NCAPD3: variants seen among roughly 807,000 people sequenced by gnomAD.
NCAPD3 encodes non-SMC condensin II complex subunit D3.
NCAPD3 carries 105 observed loss-of-function variants against 182.9 expected under a neutral mutation model. The ratio of observed to expected loss-of-function variants is 0.57; its 90% CI spans 0.49 to 0.68. The LOEUF (loss-of-function observed/expected upper bound fraction) is 0.68. Among genes scored for constraint, NCAPD3 ranks in the 30% least tolerant of loss-of-function variants. NCAPD3 has a pLI of 0.00. For missense variants in NCAPD3, 1,944 were observed against 1,837.0 expected (o/e 1.06, Z -1.07); for synonymous variants, 815 against 679.9 (o/e 1.20, Z -3.09).
chr11:134,198,023 T>C (rs1458182266), intron 13 of NCAPD3, among the ~76,000 whole-genome samples: 1 of 152,076 alleles, frequency 6.6e-6, no homozygotes, highest in African/African-American at 2.4e-5. Context: ...CCACAGACTG[T>C]AAACCAAAAA....
At chr11:134,198,368 T>C (rs1341044166) in intron 13 of NCAPD3, among the ~76,000 whole-genome samples, 12 of 126,764 alleles carry the variant, frequency 9.5e-5, no homozygotes, top group Non-Finnish European at 1.6e-5. Context: ...AAAATCTACC[T>C]ATAAGCTGGA....
At chr11:134,196,902 C>T (rs1353314030) in intron 13 of NCAPD3, among the ~76,000 whole-genome samples, 2 of 152,112 alleles carry the variant, frequency 1.3e-5, no homozygotes, top group East Asian at 3.9e-4. Context: ...AAGAAAACAA[C>T]GGATATAGTT....
In NCAPD3 at chr11:134,151,177, T is replaced by C. The variant is rs577596179; in HGVS notation, c.*1767A>G. 1 of 152,384 alleles carries C rather than the reference T, an allele frequency of 6.6e-6. No homozygotes were observed. Among genetic ancestry groups the C allele is most frequent in the African/African-American group, 2.4e-5 (1 of 41,584 alleles). The allele number at this position is 152,384 out of a possible 1,614,324, so 9.4% of individuals were successfully genotyped here. Reference sequence around the variant, plus strand: ...TCAGCTTCCAGTGTCTTGGGTTTTTTATACTTTGACAGCTTTTTTTTAATT... The same window carrying C: ...TCAGCTTCCAGTGTCTTGGGTTTTTCATACTTTGACAGCTTTTTTTTAATT... On this transcript the variant is annotated 3_prime_UTR_variant, in exon 35 of 35. Transcript: ENST00000534548.
At chr11:134,174,498 T>TAC (rs1206183050) in intron 24 of NCAPD3, among the ~76,000 whole-genome samples, 110 of 148,840 alleles carry the variant, frequency 7.4e-4, no homozygotes, top group African/African-American at 2.4e-3. Flanking sequence ...CATATATATA[T>TAC]ACATATATAT....
chr11:134,214,077 T>C (rs1448739793), intron 3 of NCAPD3, among the ~76,000 whole-genome samples: 2 of 151,748 alleles, frequency 1.3e-5, no homozygotes, highest in East Asian at 3.9e-4. Flanking sequence ...TTGACCTAAC[T>C]GACATTTACA....
chr11:134,160,101 C>T, intron 28 of NCAPD3, 27 bp from the exon 29 acceptor site: 3 of 1,607,660 alleles, frequency 1.9e-6, no homozygotes, highest in Non-Finnish European at 2.6e-6. Context: ...AGCATCCTTT[C>T]ATGTTTTCTT....
At chr11:134,165,998 A>G (rs1440149901) in intron 27 of NCAPD3, among the ~76,000 whole-genome samples, 1 of 99,936 alleles carries the variant, frequency 1.0e-5, no homozygotes, top group Admixed American at 1.2e-4. Flanking sequence ...TAGGGAGAGC[A>G]GCACACTCAC....
At position 134,158,382 on chromosome 11, in the gene NCAPD3, T is replaced by C. The variant is rs768462334; in HGVS notation, c.3981A>G (p.Val1327=). 3 of 1,614,208 alleles carry C rather than the reference T, an allele frequency of 1.9e-6. No homozygotes were observed. The highest frequency in any genetic ancestry group is 2.2e-5 in the South Asian group (2 of 91,088). The change falls in exon 30 of 35, where the codon GTA becomes GTG. Residue 1327 remains valine, a synonymous_variant. Coordinates refer to ENST00000534548, the MANE Select transcript of NCAPD3 (RefSeq NM_015261.3). ...GCCCTGTTTCAGGTGTAGGAGATGA[T>C]ACTGCTACATGGCCAGCACTTGCCC... ...TPRASAGHVA[V]SSPTPETGPL... is the part of the protein sequence containing the mutation.
chr11:134,153,484 C>A (rs117599215), intron 32 of NCAPD3, 121 bp from the exon 33 acceptor site: 12,202 of 967,624 alleles, frequency 0.013, 116 homozygotes, highest in Non-Finnish European at 0.017. Flanking sequence ...GGCCCTCAGA[C>A]CTCCACTGGA....
chr11:134,168,431 C>T (rs1376349737), intron 26 of NCAPD3, 38 bp downstream of exon 26: 1 of 1,611,052 alleles, frequency 6.2e-7, no homozygotes, highest in Non-Finnish European at 8.5e-7. Context: ...ATTTCATTTG[C>T]AAACACACAC....
intron 17 of NCAPD3, 77 bp from the exon 18 acceptor site, chr11:134,185,077 T>A: frequency 1.7e-6 from 2 of 1,190,938 alleles, no homozygotes; most frequent in Non-Finnish European, 2.5e-6. Context: ...TCTTCTGGAT[T>A]AATAACACTG....
Position 134,154,818 on chromosome 11 carries a change from C to T in NCAPD3, c.4253-1455G>A, listed in dbSNP as rs1401341590. Among the ~76,000 whole-genome samples, 4 of 152,236 alleles carry T rather than the reference C, an allele frequency of 2.6e-5. No individual in the cohort carries two copies. In the East Asian group the frequency reaches 7.7e-4, roughly 29 times the overall value. On this transcript the variant is annotated intron_variant, in intron 32 of 34. Transcript: ENST00000534548. Reference sequence around the variant, plus strand: ...GGACTGTGTCTTCCCATTTACAGTTCAAAGCTCATCAGCGCACTGCAGCTG... The same window carrying T: ...GGACTGTGTCTTCCCATTTACAGTTTAAAGCTCATCAGCGCACTGCAGCTG...
Position 134,158,064 on chromosome 11 carries a change from G to A in NCAPD3, c.4038C>T (p.Pro1346=), listed in dbSNP as rs764919212. 3.7e-6 allele frequency: 6 copies of A among 1,613,504 alleles called. No homozygotes were observed. Among genetic ancestry groups the A allele is most frequent in the South Asian group, 1.1e-5 (1 of 91,032 alleles). The change falls in exon 31 of 35, where the codon CCC becomes CCT. Residue 1346 remains proline, a synonymous_variant. Coordinates refer to ENST00000534548, the MANE Select transcript of NCAPD3 (RefSeq NM_015261.3). ...GGATTGCAATGGTGCTCAGGGACAT[G>A]GGCCTGTGGAGAACAGCCACAGCCG... ...PLQRLLPKAR[P]MSLSTIAILN... is the part of the protein sequence containing the mutation.
At chr11:134,153,785 G>C (rs1398640411) in intron 32 of NCAPD3, 2 of 229,162 alleles carry the variant, frequency 8.7e-6, no homozygotes, top group East Asian at 1.1e-4. Flanking sequence ...CCAGTGACTG[G>C]AGCATGCGCG....
At chr11:134,173,907 G>A (rs1944089401) in intron 24 of NCAPD3, among the ~76,000 whole-genome samples, 1 of 151,318 alleles carries the variant, frequency 6.6e-6, no homozygotes, top group Non-Finnish European at 1.5e-5. Context: ...GCTGCAGTGA[G>A]CCGAGATCAT....
At chr11:134,223,600 G>A in intron 1 of NCAPD3, 1 of 667,492 alleles carries the variant, frequency 1.5e-6, no homozygotes, top group Non-Finnish European at 2.8e-6. Context: ...AGAAGGGGAA[G>A]GCCGAGAAAA....
intron 27 of NCAPD3, among the ~76,000 whole-genome samples, chr11:134,166,744 G>C (rs1391584429): frequency 7.8e-6 from 1 of 128,694 alleles, no homozygotes. Flanking sequence ...AGATGAGCTT[G>C]GGGGAGGCGC....
chr11:134,158,001 CCTG>C lies in NCAPD3; in HGVS notation c.4098_4100del (p.Ser1366del). ...GCACTCCTAAGCTCCGACTCCGATG[CCTG>C]CTCTTTGACTCCACGGCTTTCTTGA... On this transcript the variant is annotated inframe_deletion, in exon 31 of 35. Coordinates refer to ENST00000534548, the MANE Select transcript of NCAPD3 (RefSeq NM_015261.3). The C allele has an allele frequency of 3.1e-6, 5 of 1,614,180 alleles. No homozygotes were observed. The highest frequency in any genetic ancestry group is 4.2e-6 in the Non-Finnish European group (5 of 1,180,018).
At chr11:134,158,532 CTTT>C (rs1943492028) in intron 29 of NCAPD3, 37 bp from the exon 30 acceptor site, 8 of 1,590,070 alleles carry the variant, frequency 5.0e-6, no homozygotes, top group South Asian at 1.1e-5. Context: ...CATTCTAATA[CTTT>C]TTAAGTTTTC....
Sources: allele counts gnomAD v4.1 joint callset (sites outside exome capture counted in the v4.1 genomes callset), GRCh38; gene constraint gnomAD v4.1.1; transcripts MANE v1.5; gene names NCBI Gene and HGNC (gene_info 2026-07-23, HGNC 2026-07-21).